Variants in ULK4 observed in about 807,000 individuals in gnomAD.
ULK4 encodes inactive serine/threonine-protein kinase ULK4.
ULK4 carries 133 observed loss-of-function variants against 160.6 expected under a neutral mutation model. That is an observed-to-expected ratio of 0.83 (90% CI 0.72 to 0.96). The LOEUF is 0.96. Among genes scored for constraint, ULK4 ranks in the 40% least tolerant of loss-of-function variants. The pLI is 0.00. For synonymous variants in ULK4, 534 were observed against 539.8 expected (o/e 0.99, Z 0.15); for missense variants, 1,580 against 1,499.5 (o/e 1.05, Z -0.89).
chr3:41,646,473 A>G (rs2034496973), intron 30 of ULK4, among the ~76,000 whole-genome samples: 1 of 152,210 alleles, frequency 6.6e-6, no homozygotes, highest in African/African-American at 2.4e-5. Context: ...GCTGGATATG[A>G]GATTCTGGGT....
chr3:41,395,686 G>A (rs770348198), intron 35 of ULK4, among the ~76,000 whole-genome samples: 2 of 152,142 alleles, frequency 1.3e-5, no homozygotes, highest in African/African-American at 2.4e-5. Context: ...TGAAAAAGTT[G>A]TGGAGATGGA....
rs182217616 is a variant in ULK4, at chr3:41,645,104, C to T, written c.3071+18503G>A. Among the ~76,000 whole-genome samples the T allele has an allele frequency of 2.0e-5, 3 of 152,032 alleles. No homozygotes were observed. In the East Asian group the frequency reaches 5.8e-4, roughly 29 times the overall value. Reference sequence around the variant, plus strand: ...TCTCTTTTTTTCTTTATTAGTCTTGCCAGGGGTCTATCAATTTTGTTGATC... The same window carrying T: ...TCTCTTTTTTTCTTTATTAGTCTTGTCAGGGGTCTATCAATTTTGTTGATC... On this transcript the variant is annotated intron_variant, in intron 30 of 36. Transcript: ENST00000301831.
At chr3:41,937,349 T>A (rs1215337034) in intron 3 of ULK4, 1 of 687,340 alleles carries the variant, frequency 1.5e-6, no homozygotes, top group East Asian at 2.7e-5. Flanking sequence ...TCCTATTGAT[T>A]CAGAAAAATA....
intron 21 of ULK4, among the ~76,000 whole-genome samples, chr3:41,771,863 G>C (rs1031521068): frequency 6.6e-6 from 1 of 152,190 alleles, no homozygotes; most frequent in Non-Finnish European, 1.5e-5. Flanking sequence ...TAAAATCCAT[G>C]TGACTTTATC....
intron 19 of ULK4, among the ~76,000 whole-genome samples, chr3:41,805,345 C>G (rs1212203113): frequency 6.6e-6 from 1 of 152,200 alleles, no homozygotes; most frequent in African/African-American, 2.4e-5. Flanking sequence ...TATCCTGAGA[C>G]TTTGCTGAAT....
intron 35 of ULK4, among the ~76,000 whole-genome samples, chr3:41,326,628 C>A (rs778323625): frequency 2.1e-4 from 32 of 152,074 alleles, no homozygotes; most frequent in African/African-American, 3.4e-4. Context: ...AAAAAGGTTA[C>A]CTGAAATGTG....
intron 25 of ULK4, among the ~76,000 whole-genome samples, chr3:41,710,895 C>G (rs957279810): frequency 2.0e-5 from 3 of 151,524 alleles, no homozygotes; most frequent in Non-Finnish European, 4.4e-5. Flanking sequence ...GGATGGTGAG[C>G]AGAAAGCAGG....
chr3:41,634,650 C>T (rs2033879676), intron 30 of ULK4, among the ~76,000 whole-genome samples: 1 of 152,188 alleles, frequency 6.6e-6, no homozygotes, highest in Non-Finnish European at 1.5e-5. Context: ...GGAGAGATGC[C>T]TCTAGGTTCT....
At chr3:41,349,163 C>T (rs2080863114) in intron 35 of ULK4, among the ~76,000 whole-genome samples, 1 of 152,194 alleles carries the variant, frequency 6.6e-6, no homozygotes, top group African/African-American at 2.4e-5. Flanking sequence ...TGGCTGAACT[C>T]CTACTGAATT....
intron 34 of ULK4, among the ~76,000 whole-genome samples, chr3:41,447,563 T>C (rs951199716): frequency 6.6e-6 from 1 of 152,156 alleles, no homozygotes; most frequent in Non-Finnish European, 1.5e-5. Context: ...TCCCTAAAGC[T>C]AGACAAATCT....
Position 41,896,999 on chromosome 3 carries a change from A to T in ULK4, c.1353T>A (p.Asp451Glu), listed in dbSNP as rs749809774. 14 of 1,609,884 alleles carry T rather than the reference A, an allele frequency of 8.7e-6. No individual in the cohort carries two copies. In the East Asian group the frequency reaches 3.1e-4, roughly 36 times the overall value. ...KILHLPTYSV[D>E]KLLFLKDQDW... ...CTTGATCTTTCAGAAATAATAACTT[A>T]TCCACTGCGATGGAAAGAAAATAAT... The change falls in exon 15 of 37, where the codon GAT becomes GAA. Residue 451 changes from aspartate to glutamate, a missense_variant. Coordinates refer to ENST00000301831, the MANE Select transcript of ULK4 (RefSeq NM_017886.4).
At chr3:41,720,404 G>A (rs760682018) in intron 22 of ULK4, among the ~76,000 whole-genome samples, 6 of 147,012 alleles carry the variant, frequency 4.1e-5, no homozygotes, top group Non-Finnish European at 8.9e-5. Flanking sequence ...AATTTATACC[G>A]CATATAAAAA....
intron 2 of ULK4, among the ~76,000 whole-genome samples, chr3:41,948,109 C>T (rs1225259638): frequency 1.3e-5 from 2 of 152,164 alleles, no homozygotes; most frequent in African/African-American, 4.8e-5. Flanking sequence ...TATGTGTTCT[C>T]TATGTATTTC....
At chr3:41,716,216 AAATAATAATAATAATAATAAT>A (rs61340837) in intron 23 of ULK4, among the ~76,000 whole-genome samples, 6 of 139,258 alleles carry the variant, frequency 4.3e-5, no homozygotes, top group Admixed American at 1.4e-4. Context: ...CTGTCTCACA[AAATAATAATAATAATAATAAT>A]AATAATAATA....
At chr3:41,848,256 A>G (rs1047514858) in intron 17 of ULK4, among the ~76,000 whole-genome samples, 5 of 146,590 alleles carry the variant, frequency 3.4e-5, no homozygotes, top group Non-Finnish European at 5.9e-5. Context: ...AGTAAAGTGC[A>G]TAAGTAGATT....
At chr3:41,665,494 T>C (rs1325203940) in intron 29 of ULK4, among the ~76,000 whole-genome samples, 2 of 152,168 alleles carry the variant, frequency 1.3e-5, no homozygotes, top group Non-Finnish European at 2.9e-5. Flanking sequence ...CAAGACAATG[T>C]TAAGTGGAAT....
At chr3:41,470,375 T>C (rs1559626624) in intron 32 of ULK4, among the ~76,000 whole-genome samples, 3 of 152,226 alleles carry the variant, frequency 2.0e-5, no homozygotes, top group Admixed American at 6.5e-5. Flanking sequence ...TTTTACCCAA[T>C]AAAATTGTCT....
intron 35 of ULK4, among the ~76,000 whole-genome samples, chr3:41,325,062 TG>T (rs1239164603): frequency 1.3e-5 from 2 of 152,174 alleles, no homozygotes; most frequent in Non-Finnish European, 2.9e-5. Context: ...CCTGTTACGG[TG>T]GTGAGAATGT....
At chr3:41,263,503 G>A (rs1300790615) in intron 35 of ULK4, among the ~76,000 whole-genome samples, 5 of 152,114 alleles carry the variant, frequency 3.3e-5, no homozygotes, top group South Asian at 2.1e-4. Context: ...TTCCTCACTC[G>A]ACAAGGTAAG....
Sources: allele counts gnomAD v4.1 joint callset (sites outside exome capture counted in the v4.1 genomes callset), GRCh38; gene constraint gnomAD v4.1.1; transcripts MANE v1.5; gene names NCBI Gene and HGNC (gene_info 2026-07-23, HGNC 2026-07-21).